The following FBXL18 variants were observed in gnomAD, a reference collection of about 807,000 sequenced individuals.
FBXL18 encodes the protein F-box/LRR-repeat protein 18.
Under a neutral mutation model 46.0 loss-of-function variants are expected in FBXL18, and 36 were observed. The ratio of observed to expected loss-of-function variants is 0.78; its 90% confidence interval spans 0.60 to 1.03. The LOEUF is 1.03. Ranked by LOEUF, FBXL18 falls within the 50% of genes least tolerant of loss-of-function variation. The pLI is 0.00. For synonymous variants in FBXL18, 557 were observed against 465.3 expected (o/e 1.20, Z -2.54); for missense variants, 977 against 1,004.1 (o/e 0.97, Z 0.36).
At chr7:5,471,991 G>A (rs894626028), downstream of FBXL18, among the ~76,000 whole-genome samples, 13 of 152,150 alleles carry the variant, frequency 8.5e-5, no homozygotes, top group African/African-American at 2.4e-4. Context: ...GGGAGGCTGG[G>A]GCAGGAAGAT....
chr7:5,490,232 CAG>C, intron 4 of FBXL18: 1 of 1,321,310 alleles, frequency 7.6e-7, no homozygotes, highest in Non-Finnish European at 1.0e-6. Context: ...CACGAACACT[CAG>C]GGCGTTCATG....
At chr7:5,492,473 G>A (rs35823801) in intron 3 of FBXL18, among the ~76,000 whole-genome samples, 36,419 of 151,444 alleles carry the variant, frequency 0.24, 5,004 homozygotes, top group Non-Finnish European at 0.29. Flanking sequence ...CCCGGGGTGG[G>A]GGGAGGAGCC....
chr7:5,466,612 G>A (rs576221996), intron 4 of FBXL18, among the ~76,000 whole-genome samples: 24 of 152,314 alleles, frequency 1.6e-4, no homozygotes, highest in Non-Finnish European at 2.8e-4. Context: ...CTCAAGGTCC[G>A]CTGATCCGCA....
chr7:5,463,720 A>ATT (rs1562672240), intron 4 of FBXL18, among the ~76,000 whole-genome samples: 20 of 63,280 alleles, frequency 3.2e-4, no homozygotes, highest in Non-Finnish European at 4.3e-4. Context: ...TTATTTATTT[A>ATT]TTTATTTATT....
Position 5,504,915 on chromosome 7 carries a change from CAAAAAAAAAAAAAAAAAA to C in FBXL18, c.237+479_237+496del, listed in dbSNP as rs59985346. On this transcript the variant is annotated intron_variant, in intron 2 of 4. Transcript: ENST00000382368. The stretch of plus-strand genomic sequence containing the variant: ...TGGGCAAAAGAACGAGACTCCATCT[CAAAAAAAAAAAAAAAAAA>C]AAAAAAAAAAAAAAAAAGAATGGCT... 2.7e-4 allele frequency among the ~76,000 whole-genome samples: 8 copies of C among 30,068 alleles called. No homozygotes were observed. The East Asian group carries it at 4.7e-3, about 18-fold the overall frequency. 19.7% of individuals were successfully genotyped at this position (30,068 alleles called of 152,430 possible).
At chr7:5,460,684 C>G (rs922995699) in intron 4 of FBXL18, among the ~76,000 whole-genome samples, 1 of 152,166 alleles carries the variant, frequency 6.6e-6, no homozygotes, top group Middle Eastern at 3.2e-3. Context: ...AACTCCTGAC[C>G]CCAAGCGATC....
In FBXL18 at chr7:5,481,950, G is replaced by T. The variant is rs1272836607; in HGVS notation, c.2001-19C>A. 1 of 1,587,670 alleles carries T rather than the reference G, an allele frequency of 6.3e-7. No individual in the cohort carries two copies. The highest frequency in any genetic ancestry group is 8.6e-7 in the Non-Finnish European group (1 of 1,165,740). ...CTGGAAGCTGAACCAGAGACAGGCGGTCAGCGGATTACATGGGTGGCCACG... is the reference window on the plus strand; with the variant it reads ...CTGGAAGCTGAACCAGAGACAGGCGTTCAGCGGATTACATGGGTGGCCACG... On this transcript the variant is annotated intron_variant, in intron 4 of 4. Transcript: ENST00000382368.
downstream of FBXL18, among the ~76,000 whole-genome samples, chr7:5,474,938 G>A (rs959019862): frequency 2.0e-5 from 3 of 148,534 alleles, no homozygotes; most frequent in Non-Finnish European, 4.5e-5. Context: ...TTGATCTCCT[G>A]ACCTCGTGAT....
chr7:5,458,780 G>A (rs1380113570), intron 4 of FBXL18, among the ~76,000 whole-genome samples: 1 of 152,158 alleles, frequency 6.6e-6, no homozygotes, highest in Non-Finnish European at 1.5e-5. Flanking sequence ...AGAATCACTT[G>A]AACCCGGAGG....
intron 4 of FBXL18, among the ~76,000 whole-genome samples, chr7:5,483,037 CA>C (rs1160643136): frequency 0.013 from 1,643 of 125,502 alleles, 10 homozygotes; most frequent in Non-Finnish European, 0.019. Context: ...GACCCTGTCT[CA>C]AAAAAAAAAA....
intron 4 of FBXL18, among the ~76,000 whole-genome samples, chr7:5,463,724 A>ATATATAT (rs1554316185): frequency 1.7e-5 from 1 of 59,672 alleles, no homozygotes; most frequent in Non-Finnish European, 2.9e-5. Flanking sequence ...TTATTTATTT[A>ATATATAT]TTTATTTTTT....
At chr7:5,506,486 C>T (rs892272894) in intron 1 of FBXL18, among the ~76,000 whole-genome samples, 2 of 150,048 alleles carry the variant, frequency 1.3e-5, no homozygotes, top group African/African-American at 4.9e-5. Flanking sequence ...AATTCCTGAC[C>T]TCAAGTGATT....
At chr7:5,508,570 C>G (rs1198576664) in intron 1 of FBXL18, among the ~76,000 whole-genome samples, 2 of 151,028 alleles carry the variant, frequency 1.3e-5, no homozygotes, top group Admixed American at 6.6e-5. Context: ...GATCTTGCCA[C>G]TGCACTCCAG....
At chr7:5,494,028 T>C (rs1784006722) in intron 3 of FBXL18, among the ~76,000 whole-genome samples, 1 of 151,734 alleles carries the variant, frequency 6.6e-6, no homozygotes, top group South Asian at 2.1e-4. Flanking sequence ...ATCCCAGCAC[T>C]TTGGGAGGCC....
At chr7:5,486,531 T>A (rs1369569782) in intron 4 of FBXL18, among the ~76,000 whole-genome samples, 1 of 151,896 alleles carries the variant, frequency 6.6e-6, no homozygotes, top group African/African-American at 2.4e-5. Context: ...CGTGCACCTG[T>A]AGTCCCAGGT....
intron 4 of FBXL18, among the ~76,000 whole-genome samples, chr7:5,486,684 C>A (rs981925452): frequency 3.3e-5 from 5 of 152,094 alleles, no homozygotes; most frequent in Non-Finnish European, 1.5e-5. Flanking sequence ...AAAGAAGAGA[C>A]GGCGGCCGAT....
intron 1 of FBXL18, 131 bp from the exon 2 acceptor site, chr7:5,505,761 C>G: frequency 1.4e-6 from 1 of 693,820 alleles, no homozygotes; most frequent in Non-Finnish European, 2.4e-6. Flanking sequence ...AAACTCTCAA[C>G]TGAATGACAA....
chr7:5,501,151 C>T lies in FBXL18; in HGVS notation c.1118G>A (p.Ser373Asn), dbSNP rs1277287115. The T allele has an allele frequency of 6.2e-7, 1 of 1,613,126 alleles. No individual in the cohort carries two copies. The highest frequency in any genetic ancestry group is 8.5e-7 in the Non-Finnish European group (1 of 1,179,850). ...GGACGCCACCAGAGTCTCCAGGATGCTGCTGTCGATGTCGTCCTCCGCCTT... is the reference window on the plus strand; with the variant it reads ...GGACGCCACCAGAGTCTCCAGGATGTTGCTGTCGATGTCGTCCTCCGCCTT... Reference protein sequence around the residue: ...LRKAEDDIDSSILETLVASCC... With the variant: ...LRKAEDDIDSNILETLVASCC... Residue 373 changes from serine (S) to asparagine (N), a missense_variant, in exon 3 of 5, where the codon AGC becomes AAC. By Grantham distance (46) the Ser-to-Asn change is conservative. Coordinates refer to ENST00000382368, the MANE Select transcript of FBXL18 (RefSeq NM_024963.6).
At chr7:5,502,063 G>A (rs774984223) in intron 2 of FBXL18, 32 bp from the exon 3 acceptor site, 13 of 1,498,364 alleles carry the variant, frequency 8.7e-6, no homozygotes, top group Admixed American at 7.9e-5. Context: ...GGGAGAGGAA[G>A]GAAAGGGCTG....
Sources: allele counts gnomAD v4.1 joint callset (sites outside exome capture counted in the v4.1 genomes callset), GRCh38; gene constraint gnomAD v4.1.1; transcripts MANE v1.5; gene names NCBI Gene and HGNC (gene_info 2026-07-23, HGNC 2026-07-21).